DCAF4: variants seen among roughly 807,000 people sequenced by gnomAD.
DCAF4 encodes the protein DDB1- and CUL4-associated factor 4.
Under a neutral mutation model 60.9 loss-of-function variants are expected in DCAF4, and 37 were observed. The observed-to-expected ratio is 0.61, with a 90% confidence interval of 0.47 to 0.80. The LOEUF (loss-of-function observed/expected upper bound fraction) is 0.80, where lower values mean the gene tolerates loss of function less well. DCAF4 is among the 30% of genes least tolerant of loss of function. The pLI is 0.00. For missense variants in DCAF4, 577 were observed against 650.0 expected, an observed-to-expected ratio of 0.89 and a Z score of 1.22; for synonymous variants, 243 against 254.8, an observed-to-expected ratio of 0.95 and a Z score of 0.44.
At chr14:72,952,907 C>T (rs59591876) in intron 9 of DCAF4, among the ~76,000 whole-genome samples, 12,777 of 147,594 alleles carry the variant, frequency 0.087, 642 homozygotes, top group East Asian at 0.2. Context: ...GTTGGTTAGG[C>T]TGGTCTCGAA....
At chr14:72,958,014 A>C (rs560135639) in intron 13 of DCAF4, 1 of 153,660 alleles carries the variant, frequency 6.5e-6, no homozygotes, top group South Asian at 2.0e-4. Flanking sequence ...TATAACATGA[A>C]AAGATCAGGC....
chr14:72,932,451 A>G (rs1246654025), intron 1 of DCAF4, among the ~76,000 whole-genome samples: 15 of 152,240 alleles, frequency 9.9e-5, no homozygotes, highest in African/African-American at 3.1e-4. Flanking sequence ...TACTTGATAA[A>G]TATTTTCCAG....
rs187401331 is a variant in DCAF4, at chr14:72,935,990, A to G, written c.-8-1981A>G. Among the ~76,000 whole-genome samples, 168 of 151,844 alleles carry G rather than the reference A, an allele frequency of 1.1e-3. 1 individual carries two copies. The highest frequency in any genetic ancestry group is 3.6e-3 in the African/African-American group (150 of 41,410). On this transcript the variant is annotated intron_variant, in intron 1 of 13. Transcript: ENST00000358377. ...TCTTTTTGAGATGGGGTCTCACTCT[A>G]TTGCCCAGGCTGGTCTCAAACTCTG...
chr14:72,945,219 C>T (rs956254125), intron 6 of DCAF4, among the ~76,000 whole-genome samples: 11 of 151,882 alleles, frequency 7.2e-5, no homozygotes, highest in Admixed American at 2.0e-4. Flanking sequence ...ATAGCGAGAC[C>T]GTATCTCTAC....
At chr14:72,936,156 A>G (rs1889237790) in intron 1 of DCAF4, among the ~76,000 whole-genome samples, 1 of 152,204 alleles carries the variant, frequency 6.6e-6, no homozygotes, top group African/African-American at 2.4e-5. Context: ...TTCAGCTTGT[A>G]ACTTAACTAT....
At chr14:72,938,144 T>C in intron 2 of DCAF4, 74 bp downstream of exon 2, 1 of 1,514,618 alleles carries the variant, frequency 6.6e-7, no homozygotes, top group African/African-American at 1.4e-5. Context: ...TGTCACACGA[T>C]CACAGGTGTG....
chr14:72,956,348 T>C (rs1892295408), intron 12 of DCAF4, 38 bp from the exon 13 acceptor site: 2 of 1,529,976 alleles, frequency 1.3e-6, no homozygotes, highest in Non-Finnish European at 1.8e-6. Flanking sequence ...TGGTACCCCC[T>C]GGCCCCTCCC....
chr14:72,953,732 A>AAAAAAAAATATATATATATATAT lies in DCAF4; in HGVS notation c.809-431_809-430insAAAAAAATATATATATATATATA, dbSNP rs1555527852. Reference sequence around the variant, plus strand: ...CTTAAAAAAAAAAAAAAAAAAAAAAAATATATATATATATATATATATATA... The same window carrying AAAAAAAAATATATATATATATAT: ...CTTAAAAAAAAAAAAAAAAAAAAAAAAAAAAAAATATATATATATATATATATATATATATATATATATATATA... On this transcript the variant is annotated intron_variant, in intron 9 of 13. Transcript: ENST00000358377. Among the ~76,000 whole-genome samples the AAAAAAAAATATATATATATATAT allele has an allele frequency of 1.4e-4, 3 of 21,778 alleles. 1 individual carries two copies. The highest frequency in any genetic ancestry group is 8.0e-4 in the Admixed American group (1 of 1,256). The allele number at this position is 21,778 out of a possible 152,430, so 14.3% of individuals were successfully genotyped here.
chr14:72,941,897 A>G lies in DCAF4; in HGVS notation c.431+73A>G, dbSNP rs1445686456. The stretch of plus-strand genomic sequence containing the variant: ...CTGTTTCTTATTTTCATGGTATAAG[A>G]ATCCAGTCTGGATAGACCATGTGGC... On this transcript the variant is annotated intron_variant, in intron 5 of 13. Transcript: ENST00000358377. 2.6e-6 allele frequency: 4 copies of G among 1,534,012 alleles called. No individual in the cohort carries two copies. In the Admixed American group the frequency reaches 6.7e-5, roughly 26 times the overall value.
intron 11 of DCAF4, 84 bp from the exon 12 acceptor site, chr14:72,955,439 G>A: frequency 6.7e-7 from 1 of 1,497,368 alleles, no homozygotes; most frequent in Non-Finnish European, 9.1e-7. Context: ...GGCTGGAAGA[G>A]GGGTTGTATC....
chr14:72,945,401 AAAAT>A (rs774623930), intron 6 of DCAF4, among the ~76,000 whole-genome samples: 14 of 152,200 alleles, frequency 9.2e-5, no homozygotes, highest in Non-Finnish European at 1.9e-4. Flanking sequence ...CTCTTAAAAA[AAAAT>A]AGCCTACATT....
rs1890686657 is a variant in DCAF4, at chr14:72,945,979, T to C, written c.630T>C (p.Pro210=). The change falls in exon 7 of 14, where the codon CCT becomes CCC. Residue 210 remains proline (P), a synonymous_variant. Coordinates refer to ENST00000358377, the MANE Select transcript of DCAF4 (RefSeq NM_015604.4). ...GIINLQSLKT[P]TLKVFMHENL... ...TCAACCTGCAAAGTCTGAAGACCCC[T>C]ACGCTCAAGGTGTTCATGCACGAAA... 6.2e-7 allele frequency: 1 copy of C among 1,614,020 alleles called. No homozygotes were observed. The highest frequency in any genetic ancestry group is 8.5e-7 in the Non-Finnish European group (1 of 1,180,030).
At chr14:72,929,841 G>A in intron 1 of DCAF4, 4 of 1,418,394 alleles carry the variant, frequency 2.8e-6, no homozygotes, top group South Asian at 1.2e-5. Flanking sequence ...TCAGACGCCC[G>A]CGGCGGCGGC....
In DCAF4 at chr14:72,954,194, T is replaced by A. The variant is rs1444373901; in HGVS notation, c.839T>A (p.Phe280Tyr). 3 of 1,614,032 alleles carry A rather than the reference T, an allele frequency of 1.9e-6. No homozygotes were observed. Among genetic ancestry groups the A allele is most frequent in the Non-Finnish European group, 2.5e-6 (3 of 1,180,030 alleles). ...GACCGGCCTGGCATGCTCTGCAGTTTCCGGATCCCTGGTGCCTGGTCCTGT... is the reference window on the plus strand; with the variant it reads ...GACCGGCCTGGCATGCTCTGCAGTTACCGGATCCCTGGTGCCTGGTCCTGT... ...GIDRPGMLCS[F>Y]RIPGAWSCAW... The change falls in exon 10 of 14, where the codon TTC (phenylalanine) becomes TAC (tyrosine). Residue 280 changes from phenylalanine to tyrosine, a missense_variant. Coordinates refer to ENST00000358377, the MANE Select transcript of DCAF4 (RefSeq NM_015604.4).
intron 6 of DCAF4, among the ~76,000 whole-genome samples, chr14:72,944,217 G>A (rs935783971): frequency 2.6e-5 from 4 of 152,166 alleles, no homozygotes; most frequent in African/African-American, 9.7e-5. Flanking sequence ...ATCACCCAAA[G>A]TTACCGTGAC....
intron 6 of DCAF4, among the ~76,000 whole-genome samples, chr14:72,943,398 G>C (rs766719236): frequency 6.6e-6 from 1 of 152,144 alleles, no homozygotes; most frequent in Non-Finnish European, 1.5e-5. Flanking sequence ...CTCCTTGGCT[G>C]TGTTGTATAT....
At chr14:72,928,585 T>TTTTATATATATATATATATATA (rs1283241933) in intron 1 of DCAF4, among the ~76,000 whole-genome samples, 3 of 15,936 alleles carry the variant, frequency 1.9e-4, no homozygotes, top group African/African-American at 2.8e-4. Flanking sequence ...TAAACATCCT[T>TTTTATATATATATATATATATA]TATATATATA....
intron 6 of DCAF4, among the ~76,000 whole-genome samples, chr14:72,943,601 C>T (rs1890334562): frequency 6.6e-6 from 1 of 152,210 alleles, no homozygotes; most frequent in South Asian, 2.1e-4. Flanking sequence ...GGGTGAAAGG[C>T]CTTCTCTGGT....
intron 1 of DCAF4, among the ~76,000 whole-genome samples, chr14:72,928,881 G>T (rs1246706780): frequency 6.6e-6 from 1 of 152,158 alleles, no homozygotes; most frequent in Non-Finnish European, 1.5e-5. Context: ...CCCCAAACTG[G>T]AGAGCCCCAA....
Sources: gnomAD v4.1 joint callset for allele counts (sites outside exome capture counted in the v4.1 genomes callset) on GRCh38, gnomAD v4.1.1 for gene constraint, MANE v1.5 for transcripts, NCBI Gene and HGNC (gene_info 2026-07-23, HGNC 2026-07-21) for gene names.